Variants in MYO1B observed in about 807,000 individuals in gnomAD.
The protein encoded by MYO1B is unconventional myosin-Ib.
A neutral mutation model predicts 159.7 loss-of-function variants in MYO1B; 72 were observed. The observed-to-expected ratio is 0.45, with a 90% CI of 0.37 to 0.55. The LOEUF is 0.55. Ranked by LOEUF, MYO1B falls within the 20% of genes least tolerant of loss-of-function variation. MYO1B has a pLI of 0.00. For missense variants in MYO1B, 1,062 were observed against 1,364.8 expected (o/e 0.78, Z 3.50); for synonymous variants, 468 against 473.8 (o/e 0.99, Z 0.16).
Position 191,321,809 on chromosome 2 carries a change from T to C in MYO1B, c.252-8126T>C, listed in dbSNP as rs145189300. ...TTATTACCTTCTCCTACCCCCTTTT[T>C]ATGGGGGAACTTAGATGTCTTTCTT... On this transcript the variant is annotated intron_variant, in intron 3 of 30. Coordinates refer to ENST00000392318, the MANE Select transcript of MYO1B (RefSeq NM_001130158.3). Among the ~76,000 whole-genome samples the C allele has an allele frequency of 2.0e-5, 3 of 152,314 alleles. No homozygotes were observed. In the East Asian group the frequency reaches 5.8e-4, roughly 29 times the overall value.
At position 191,387,300 on chromosome 2, in the gene MYO1B, A is replaced by G. The variant is rs1259969749; in HGVS notation, c.1631A>G (p.Lys544Arg). The G allele has an allele frequency of 6.2e-7, 1 of 1,614,078 alleles. No individual in the cohort carries two copies. Among genetic ancestry groups the G allele is most frequent in the Non-Finnish European group, 8.5e-7 (1 of 1,180,044 alleles). ...CGAGACCTGTCCCAAGCCATGTGGA[A>G]GGCCAGCCATGCCCTCATCAAGTCT... ...LYRDLSQAMW[K>R]ASHALIKSLF... Residue 544 changes from lysine to arginine, a missense_variant, in exon 17 of 31, where the codon AAG becomes AGG. Physicochemically the swap from Lys to Arg is conservative, Grantham distance 26 (BLOSUM62 2). This residue lies in a region of MYO1B where 609 missense variants were observed against 744.4 expected (regional missense o/e 0.82). Coordinates refer to ENST00000392318, the MANE Select transcript of MYO1B (RefSeq NM_001130158.3).
In MYO1B at chr2:191,425,128, T is replaced by C. The variant is rs1245197175; in HGVS notation, c.*1168T>C. 6.6e-6 allele frequency: 1 copy of C among 151,940 alleles called. No homozygotes were observed. Among genetic ancestry groups the C allele is most frequent in the Non-Finnish European group, 1.5e-5 (1 of 67,936 alleles). 9.4% of individuals were successfully genotyped at this position (151,940 alleles called of 1,614,324 possible). On this transcript the variant is annotated 3_prime_UTR_variant, in exon 31 of 31. Coordinates refer to ENST00000392318, the MANE Select transcript of MYO1B (RefSeq NM_001130158.3). ...GGATAATGTATATACATTGGTATTATGTTAAATAATAAAATTGTTCTAATT... is the reference window on the plus strand; with the variant it reads ...GGATAATGTATATACATTGGTATTACGTTAAATAATAAAATTGTTCTAATT...
intron 3 of MYO1B, among the ~76,000 whole-genome samples, chr2:191,326,456 T>C (rs1340218955): frequency 6.6e-6 from 1 of 152,178 alleles, no homozygotes; most frequent in Non-Finnish European, 1.5e-5. Context: ...ATTTATACTG[T>C]CCTTGAGATG....
chr2:191,260,471 G>A (rs1686745406), intron 1 of MYO1B, among the ~76,000 whole-genome samples: 1 of 151,686 alleles, frequency 6.6e-6, no homozygotes, highest in Non-Finnish European at 1.5e-5. Flanking sequence ...CAGTGTTTTA[G>A]TAGTCTATTG....
intron 1 of MYO1B, among the ~76,000 whole-genome samples, chr2:191,255,101 CA>C (rs1223072579): frequency 6.6e-6 from 1 of 151,782 alleles, no homozygotes; most frequent in Non-Finnish European, 1.5e-5. Flanking sequence ...TCATTTTTTA[CA>C]TTTTTTTGTG....
At chr2:191,288,868 C>T (rs73981542) in intron 2 of MYO1B, among the ~76,000 whole-genome samples, 2 of 152,288 alleles carry the variant, frequency 1.3e-5, no homozygotes, top group South Asian at 4.1e-4. Flanking sequence ...TACTTTTGCA[C>T]CAGCCCAATA....
intron 30 of MYO1B, among the ~76,000 whole-genome samples, chr2:191,421,046 C>T (rs1160365282): frequency 6.6e-6 from 1 of 150,840 alleles, no homozygotes; most frequent in African/African-American, 2.4e-5. Flanking sequence ...ATATATCTTG[C>T]CTATTGTTAT....
chr2:191,247,555 A>C (rs948355409), intron 1 of MYO1B, among the ~76,000 whole-genome samples: 4 of 152,218 alleles, frequency 2.6e-5, no homozygotes, highest in Non-Finnish European at 5.9e-5. Context: ...ATGGTGTCCA[A>C]CTGTCAAGCT....
rs776818235 is a variant in MYO1B at position 191,363,886 on chromosome 2, G to A, written c.913+11G>A. On this transcript the variant is annotated intron_variant, in intron 10 of 30. Coordinates refer to ENST00000392318, the MANE Select transcript of MYO1B (RefSeq NM_001130158.3). ...TCAAAGATAAAAATGGTACATCCGT[G>A]GAGAATCAACTTTGTTTGTTTAGGA... 1 of 1,611,178 alleles carries A rather than the reference G, an allele frequency of 6.2e-7. No homozygotes were observed. Among genetic ancestry groups the A allele is most frequent in the Admixed American group, 1.7e-5 (1 of 59,856 alleles).
Position 191,363,729 on chromosome 2 carries a change from A to AT in MYO1B, c.768dup (p.Ala257CysfsTer11). 1 of 1,599,804 alleles carries AT rather than the reference A, an allele frequency of 6.3e-7. No individual in the cohort carries two copies. Among genetic ancestry groups the AT allele is most frequent in the Non-Finnish European group, 8.5e-7 (1 of 1,176,298 alleles). ...TTGCTTTTTTTTTTCTCTCCCCAGA[A>AT]TGCCATGCAGATTGTGGGCTTTATG... On this transcript the variant is annotated frameshift_variant and splice_region_variant, in exon 10 of 31. Transcript: ENST00000392318. LOFTEE classifies it high-confidence loss of function.
At chr2:191,326,768 ATATGTG>A (rs1210693709) in intron 3 of MYO1B, among the ~76,000 whole-genome samples, 222 of 109,200 alleles carry the variant, frequency 2.0e-3, no homozygotes, top group African/African-American at 7.9e-3. Flanking sequence ...GTGTTTGTAT[ATATGTG>A]TGTGTGTGTG....
intron 25 of MYO1B, among the ~76,000 whole-genome samples, chr2:191,408,716 A>G (rs747037508): frequency 7.9e-5 from 12 of 152,244 alleles, no homozygotes; most frequent in Non-Finnish European, 1.5e-4. Context: ...AATTTTAGTT[A>G]CTTAAAATGT....
intron 1 of MYO1B, among the ~76,000 whole-genome samples, chr2:191,275,806 C>T (rs184809422): frequency 6.6e-6 from 1 of 152,278 alleles, no homozygotes; most frequent in East Asian, 1.9e-4. Flanking sequence ...TTAGTTTTAC[C>T]ATTTTACCAT....
rs1203039443 is a variant in MYO1B, at chr2:191,424,373, T to C, written c.*413T>C. 1 of 156,120 alleles carries C rather than the reference T, an allele frequency of 6.4e-6. No homozygotes were observed. The highest frequency in any genetic ancestry group is 1.4e-5 in the Non-Finnish European group (1 of 70,750). 9.7% of individuals were successfully genotyped at this position (156,120 alleles called of 1,614,324 possible). On this transcript the variant is annotated 3_prime_UTR_variant, in exon 31 of 31. Transcript: ENST00000392318. ...CACTGTGCTAGATGGTATGAAAACT[T>C]ATTAGGAACCTTTTTGTTTTTGAGA...
intron 3 of MYO1B, among the ~76,000 whole-genome samples, chr2:191,318,051 G>A (rs1366836821): frequency 6.6e-6 from 1 of 152,088 alleles, no homozygotes; most frequent in Admixed American, 6.6e-5. Context: ...ACTGTGCTAG[G>A]CACTAGATGG....
intron 7 of MYO1B, among the ~76,000 whole-genome samples, chr2:191,358,636 G>T (rs1208994037): frequency 6.6e-6 from 1 of 152,210 alleles, no homozygotes; most frequent in Non-Finnish European, 1.5e-5. Flanking sequence ...CTTTTTGATG[G>T]TGTTATTTTG....
intron 1 of MYO1B, among the ~76,000 whole-genome samples, chr2:191,274,311 T>TTGGGA (rs1217880149): frequency 2.6e-5 from 4 of 152,182 alleles, no homozygotes; most frequent in African/African-American, 9.7e-5. Context: ...GATTAGAAAG[T>TTGGGA]TGGGATGAGG....
In MYO1B at chr2:191,275,623, C is replaced by T. The variant is rs1220354896; in HGVS notation, c.-9-1264C>T. ...CCAACCTTTATAAGACATAGTGTGC[C>T]GAAGTGACTCCTTAATAGGAAGAAT... On this transcript the variant is annotated intron_variant, in intron 1 of 30. Coordinates refer to ENST00000392318, the MANE Select transcript of MYO1B (RefSeq NM_001130158.3). 7.2e-5 allele frequency among the ~76,000 whole-genome samples: 11 copies of T among 152,190 alleles called. No individual in the cohort carries two copies. In the East Asian group the frequency reaches 1.7e-3, roughly 24 times the overall value.
chr2:191,303,634 G>A (rs977162137), intron 3 of MYO1B, among the ~76,000 whole-genome samples: 4 of 151,966 alleles, frequency 2.6e-5, no homozygotes, highest in Non-Finnish European at 5.9e-5. Flanking sequence ...TAAGTATTTA[G>A]AAGTCAAGAT....
Sources: allele counts gnomAD v4.1 joint callset (sites outside exome capture counted in the v4.1 genomes callset), GRCh38; gene constraint gnomAD v4.1.1; regional missense constraint gnomAD v4.1.1; transcripts MANE v1.5; gene names NCBI Gene and HGNC (gene_info 2026-07-23, HGNC 2026-07-21).